GCC2: variants seen among roughly 807,000 people sequenced by gnomAD.
GCC2 encodes the protein GRIP and coiled-coil domain-containing protein 2.
Under a neutral mutation model 210.6 loss-of-function variants are expected in GCC2, and 120 were observed. The ratio of observed to expected loss-of-function variants is 0.57; its 90% CI spans 0.49 to 0.66. GCC2 has a LOEUF of 0.66. Ranked by LOEUF, GCC2 falls within the 30% of genes least tolerant of loss-of-function variation. The pLI is 0.00. For missense variants in GCC2, 1,868 were observed against 1,871.9 expected, an observed-to-expected ratio of 1.00 and a Z score of 0.04; for synonymous variants, 703 against 652.7, an observed-to-expected ratio of 1.08 and a Z score of -1.17.
At chr2:108,485,495 C>G (rs924409749) in intron 13 of GCC2, 141 bp from the exon 14 acceptor site, 17 of 540,600 alleles carry the variant, frequency 3.1e-5, no homozygotes, top group Non-Finnish European at 4.7e-5. Flanking sequence ...TTACTACTGT[C>G]ACATATGTTT....
chr2:108,466,235 TCTCTA>T (rs1680873448), intron 4 of GCC2, among the ~76,000 whole-genome samples: 1 of 152,020 alleles, frequency 6.6e-6, no homozygotes, highest in Non-Finnish European at 1.5e-5. Flanking sequence ...GTGTGAGTGG[TCTCTA>T]CTCTGTGGGC....
chr2:108,451,836 T>C (rs1679960486), intron 3 of GCC2, among the ~76,000 whole-genome samples: 1 of 143,946 alleles, frequency 6.9e-6, no homozygotes, highest in African/African-American at 2.6e-5. Context: ...TTTCTCTCTC[T>C]CTCTCTTTTT....
At chr2:108,467,626 C>T (rs113035334) in intron 4 of GCC2, among the ~76,000 whole-genome samples, 32 of 152,164 alleles carry the variant, frequency 2.1e-4, no homozygotes, top group African/African-American at 6.3e-4. Context: ...CTTTATTTTA[C>T]AGGCTAGGGT....
chr2:108,460,267 A>AT (rs1284028939), intron 4 of GCC2, among the ~76,000 whole-genome samples: 1 of 152,088 alleles, frequency 6.6e-6, no homozygotes, highest in East Asian at 1.9e-4. Flanking sequence ...GGGAAAGTGC[A>AT]TTTTTTGTGG....
chr2:108,492,833 T>TG, intron 19 of GCC2, 43 bp downstream of exon 19: 1 of 1,355,962 alleles, frequency 7.4e-7, no homozygotes, highest in South Asian at 1.2e-5. Context: ...CATGTTTTCA[T>TG]GCATTTGTCT....
chr2:108,487,492 A>G (rs1682201664), intron 16 of GCC2, among the ~76,000 whole-genome samples: 1 of 152,226 alleles, frequency 6.6e-6, no homozygotes, highest in African/African-American at 2.4e-5. Context: ...AATATGTACA[A>G]TTATGTATCA....
At chr2:108,477,097 G>A (rs577256231) in intron 9 of GCC2, among the ~76,000 whole-genome samples, 1 of 151,814 alleles carries the variant, frequency 6.6e-6, no homozygotes, top group Non-Finnish European at 1.5e-5. Flanking sequence ...GATTTTTTTT[G>A]GCTGGATCTT....
chr2:108,485,897 GA>G lies in GCC2; in HGVS notation c.3783del (p.Val1262SerfsTer9). 6.4e-7 allele frequency: 1 copy of G among 1,562,292 alleles called. No homozygotes were observed. The highest frequency in any genetic ancestry group is 8.7e-7 in the Non-Finnish European group (1 of 1,144,060). On this transcript the variant is annotated frameshift_variant, in exon 15 of 23. Coordinates refer to ENST00000309863, the MANE Select transcript of GCC2 (RefSeq NM_181453.4). LOFTEE classifies it high-confidence loss of function. The stretch of plus-strand genomic sequence containing the variant: ...GCTGGAGGCAAGCCAGCAGCAAGTA[GA>G]AGTCTATAAAGTAAGGGTTTTACTT... ...GELEASQQQV[E>X]VYKIQLAEIT...
intron 22 of GCC2, among the ~76,000 whole-genome samples, chr2:108,504,491 G>A (rs1007032314): frequency 1.3e-5 from 2 of 152,156 alleles, no homozygotes; most frequent in Admixed American, 1.3e-4. Flanking sequence ...ATAAGGTAAA[G>A]TGACTTAGAG....
At chr2:108,487,857 A>G in intron 17 of GCC2, 37 bp downstream of exon 17, 1 of 1,560,924 alleles carries the variant, frequency 6.4e-7, no homozygotes, top group South Asian at 1.1e-5. Flanking sequence ...TTTTCCTCCC[A>G]CAATGCAGGT....
In GCC2 at chr2:108,469,712, T is replaced by A. The variant is rs938366734; in HGVS notation, c.383T>A (p.Val128Glu). 9 of 1,612,200 alleles carry A rather than the reference T, an allele frequency of 5.6e-6. No homozygotes were observed. The Admixed American group carries it at 1.5e-4, about 27-fold the overall frequency. ...TTGGAACAATCACATATAAACTATG[T>A]GAAAGAAATTGAAAATTTGAAAAAT... ...KELEQSHINYVKEIENLKNEL... is the reference protein window; with the variant it reads ...KELEQSHINYEKEIENLKNEL... Residue 128 changes from valine (V) to glutamate (E), a missense_variant, in exon 6 of 23, where the codon GTG becomes GAG. Transcript: ENST00000309863.
At chr2:108,474,331 A>G (rs781769228) in intron 7 of GCC2, among the ~76,000 whole-genome samples, 4 of 152,224 alleles carry the variant, frequency 2.6e-5, no homozygotes, top group Non-Finnish European at 5.9e-5. Context: ...AAATGTCTTG[A>G]AAGCTAAGGC....
Position 108,484,048 on chromosome 2 carries a change from T to C in GCC2, c.3451-101T>C, listed in dbSNP as rs1682005116. ...TCAGTATTACAGAAAAGCACCCATT[T>C]ATTGCTGTGGCATCATTTTAGCAAT... On this transcript the variant is annotated intron_variant, in intron 12 of 22. Coordinates refer to ENST00000309863, the MANE Select transcript of GCC2 (RefSeq NM_181453.4). The C allele has an allele frequency of 8.2e-6, 5 of 611,716 alleles. No individual in the cohort carries two copies. In the South Asian group the frequency reaches 1.2e-4, roughly 15 times the overall value. 37.9% of individuals were successfully genotyped at this position (611,716 alleles called of 1,614,324 possible). A position where few individuals can be genotyped will look rare whatever the true frequency, so the allele number is the denominator to read the frequency against.
chr2:108,454,932 G>A (rs1036702182), intron 4 of GCC2, among the ~76,000 whole-genome samples: 4 of 150,260 alleles, frequency 2.7e-5, no homozygotes, highest in Non-Finnish European at 5.9e-5. Context: ...TCTCCCTATC[G>A]CCCAGGCTGG....
At chr2:108,493,783 A>G in intron 19 of GCC2, 1 of 985,422 alleles carries the variant, frequency 1.0e-6, no homozygotes, top group Non-Finnish European at 1.2e-6. Flanking sequence ...TATGCCAAAG[A>G]ATCAACAAAG....
At chr2:108,478,922 A>G in intron 9 of GCC2, among the ~76,000 whole-genome samples, 1 of 152,162 alleles carries the variant, frequency 6.6e-6, no homozygotes, top group East Asian at 1.9e-4. Context: ...TAGCAGACTC[A>G]GATAAATAAA....
rs148209837 is a variant in GCC2 at position 108,451,052 on chromosome 2, C to A, written c.88C>A (p.Leu30Ile). The change falls in exon 3 of 23, where the codon CTC (leucine) becomes ATC (isoleucine). Residue 30 changes from leucine (L) to isoleucine (I), a missense_variant. By Grantham distance (5) the Leu-to-Ile change is conservative (BLOSUM62 2). Coordinates refer to ENST00000309863, the MANE Select transcript of GCC2 (RefSeq NM_181453.4). Reference protein sequence around the residue: ...SKLETLPKEDLIKFAKKQMML... With the variant: ...SKLETLPKEDIIKFAKKQMML... ...GCTGGAAACATTGCCCAAAGAAGAC[C>A]TCATCAAGTTTGCCAAGAAACAGAT... 556 of 1,612,784 alleles carry A rather than the reference C, an allele frequency of 3.4e-4. 1 individual carries two copies. The highest frequency in any genetic ancestry group is 1.5e-3 in the Middle Eastern group (9 of 6,060).
Position 108,484,277 on chromosome 2 carries a change from A to G in GCC2, c.3579A>G (p.Gln1193=). The G allele has an allele frequency of 6.5e-7, 1 of 1,546,618 alleles. No homozygotes were observed. Among genetic ancestry groups the G allele is most frequent in the Non-Finnish European group, 8.7e-7 (1 of 1,143,856 alleles). The change falls in exon 13 of 23, where the codon CAA becomes CAG. Residue 1193 remains glutamine, a synonymous_variant. Transcript: ENST00000309863. ...ATTTGGAGCAAGAAATAAAAATTCA[A>G]AAACAGAAACAAGAAACCCTACAAG... ...IEDLEQEIKI[Q]KQKQETLQEE... is the part of the protein sequence containing the mutation.
At chr2:108,481,670 C>A in intron 9 of GCC2, 27 bp from the exon 10 acceptor site, 1 of 1,556,846 alleles carries the variant, frequency 6.4e-7, no homozygotes, top group Non-Finnish European at 8.7e-7. Context: ...AATTATATAC[C>A]AAAGTTAAAT....
Sources: allele counts gnomAD v4.1 joint callset (sites outside exome capture counted in the v4.1 genomes callset), GRCh38; gene constraint gnomAD v4.1.1; transcripts MANE v1.5; gene names NCBI Gene and HGNC (gene_info 2026-07-23, HGNC 2026-07-21).